Variants in RAET1E observed in about 807,000 individuals in gnomAD.
RAET1E encodes retinoic acid early transcript 1E.
A neutral mutation model predicts 21.1 loss-of-function variants in RAET1E; 27 were observed. That is an observed-to-expected ratio of 1.28 (90% CI 0.94 to 1.76). The LOEUF (loss-of-function observed/expected upper bound fraction) is 1.76. Ranked by LOEUF, RAET1E falls within the 40% of genes most tolerant of loss-of-function variation. RAET1E has a pLI of 0.00. For missense variants in RAET1E, 310 were observed against 311.3 expected, an observed-to-expected ratio of 1.00 and a Z score of 0.03; for synonymous variants, 113 against 115.0, an observed-to-expected ratio of 0.98 and a Z score of 0.11.
Position 149,889,604 on chromosome 6 carries a change from G to A in RAET1E, c.366C>T (p.Val122=), listed in dbSNP as rs747466889. ...IKTSDPSTLQ[V]EMFCQREAER... ...CTGCTTCACGTTGACAAAACATCTC[G>A]ACTTGCAGAGTGGAAGGATCTGCAA... is the stretch of plus-strand genomic sequence containing the variant. Residue 122 remains valine (V), a synonymous_variant, in exon 5 of 6, where the codon GTC becomes GTT. Transcript: ENST00000357183. 9.9e-6 allele frequency: 16 copies of A among 1,614,090 alleles called. 1 individual carries two copies. Among genetic ancestry groups the A allele is most frequent in the South Asian group, 9.9e-5 (9 of 91,076 alleles).
At chr6:149,895,453 C>T (rs1426342071) in intron 2 of RAET1E, 2 of 152,252 alleles carry the variant, frequency 1.3e-5, no homozygotes, top group Non-Finnish European at 2.9e-5. Context: ...GTGGGCTCCG[C>T]CCAGTTCCAA....
At chr6:149,889,691 G>T (rs1777790010) in intron 4 of RAET1E, 68 bp from the exon 5 acceptor site, 1 of 1,567,862 alleles carries the variant, frequency 6.4e-7, no homozygotes, top group Non-Finnish European at 8.7e-7. Context: ...AATAGGTCAA[G>T]TGTTTCTCTG....
Position 149,888,668 on chromosome 6 carries a change from C to CCA in RAET1E, c.623-2_623-1insTG, listed in dbSNP as rs1562463824. The CCA allele has an allele frequency of 2.5e-6, 3 of 1,213,314 alleles. No individual in the cohort carries two copies. The highest frequency in any genetic ancestry group is 4.6e-5 in the Admixed American group (1 of 21,602). The allele number at this position is 1,213,314 out of a possible 1,614,324, so 75.2% of individuals were successfully genotyped here. On this transcript the variant is annotated splice_acceptor_variant, in intron 5 of 5. Transcript: ENST00000357183. LOFTEE classifies it high-confidence loss of function. ...ATATCTGAAGCATTTACTGGTGACA[C>CCA]TAAAAAAAAAAAAAAAAAGAAAAAA...
chr6:149,895,096 G>A (rs1041540499), intron 2 of RAET1E, among the ~76,000 whole-genome samples: 1 of 152,232 alleles, frequency 6.6e-6, no homozygotes, highest in Non-Finnish European at 1.5e-5. Context: ...AGGCTGCAGA[G>A]CAGCTAAGAT....
Position 149,889,446 on chromosome 6 carries a change from C to T in RAET1E, c.524G>A (p.Arg175Lys). 6.2e-7 allele frequency: 1 copy of T among 1,614,242 alleles called. No homozygotes were observed. The highest frequency in any genetic ancestry group is 8.5e-7 in the Non-Finnish European group (1 of 1,180,040). Residue 175 changes from arginine (R) to lysine (K), a missense_variant, in exon 5 of 6, where the codon AGA becomes AAA. Arg to Lys is a conservative substitution (Grantham distance 26). Transcript: ENST00000357183. ...SKIKETWKKD[R>K]GLEKYFRKLS... Reference sequence around the variant, plus strand: ...CTTCCTGAAATACTTTTCCAGCCCTCTGTCTTTCTTCCATGTCTCCTTGAT... The same window carrying T: ...CTTCCTGAAATACTTTTCCAGCCCTTTGTCTTTCTTCCATGTCTCCTTGAT...
rs1189390574 is a variant in RAET1E at position 149,887,158 on chromosome 6, C to T, written c.*1340G>A. ...GATGAGGCTAGAGGCCAGGAACTCC[C>T]AGGTGTCTATGGAGGTCCCACCTCC... On this transcript the variant is annotated 3_prime_UTR_variant, in exon 6 of 6. Coordinates refer to ENST00000357183, the MANE Select transcript of RAET1E (RefSeq NM_001394057.1). Among the ~76,000 whole-genome samples, 1 of 152,198 alleles carries T rather than the reference C, an allele frequency of 6.6e-6. No homozygotes were observed. The highest frequency in any genetic ancestry group is 2.4e-5 in the African/African-American group (1 of 41,454).
chr6:149,891,054 G>T lies in RAET1E; in HGVS notation c.-133-20C>A. 1 of 548,644 alleles carries T rather than the reference G, an allele frequency of 1.8e-6. No homozygotes were observed. The highest frequency in any genetic ancestry group is 3.3e-6 in the Non-Finnish European group (1 of 302,632). 34.0% of individuals were successfully genotyped at this position (548,644 alleles called of 1,614,324 possible). A position where few individuals can be genotyped will look rare whatever the true frequency, so the allele number is the denominator to read the frequency against. On this transcript the variant is annotated intron_variant, in intron 2 of 5. Coordinates refer to ENST00000357183, the MANE Select transcript of RAET1E (RefSeq NM_001394057.1). ...TCAGGCCTGTAGAGACCCAATTAAAGAACAATTTTGTGAAGAGAGTGTTTT... is the reference window on the plus strand; with the variant it reads ...TCAGGCCTGTAGAGACCCAATTAAATAACAATTTTGTGAAGAGAGTGTTTT...
chr6:149,894,684 T>C (rs1037154732), intron 2 of RAET1E, among the ~76,000 whole-genome samples: 4 of 152,176 alleles, frequency 2.6e-5, no homozygotes, highest in African/African-American at 9.7e-5. Flanking sequence ...CTAACCTTTT[T>C]TCAAGGTTCT....
At chr6:149,889,759 C>T (rs908816977) in intron 4 of RAET1E, 126 bp downstream of exon 4, 16 of 1,476,366 alleles carry the variant, frequency 1.1e-5, no homozygotes, top group Non-Finnish European at 1.5e-5. Flanking sequence ...CCCATTGGGT[C>T]CCATGTGCCT....
intron 5 of RAET1E, chr6:149,889,035 A>G: frequency 7.7e-7 from 1 of 1,293,014 alleles, no homozygotes; most frequent in Non-Finnish European, 1.0e-6. Flanking sequence ...TGGAAGGGTA[A>G]TTATAATAGA....
rs954215022 is a variant in RAET1E, at chr6:149,883,211, A to C, written c.*5287T>G. 6.6e-6 allele frequency among the ~76,000 whole-genome samples: 1 copy of C among 152,232 alleles called. No homozygotes were observed. Among genetic ancestry groups the C allele is most frequent in the Non-Finnish European group, 1.5e-5 (1 of 68,040 alleles). On this transcript the variant is annotated 3_prime_UTR_variant, in exon 6 of 6. Coordinates refer to ENST00000357183, the MANE Select transcript of RAET1E (RefSeq NM_001394057.1). ...GCAAATAAGTTTATAATTTGTAAAGATCTGATAAAAATTATCAGATGATAA... is the reference window on the plus strand; with the variant it reads ...GCAAATAAGTTTATAATTTGTAAAGCTCTGATAAAAATTATCAGATGATAA...
In RAET1E at chr6:149,888,429, A is replaced by G. The variant is rs918213606; in HGVS notation, c.*69T>C. The stretch of plus-strand genomic sequence containing the variant: ...CTAAGGCAGTGCACCATTTCTGTGG[A>G]GAGAGATGGATCAGGGAGCGGGGGC... On this transcript the variant is annotated 3_prime_UTR_variant, in exon 6 of 6. Coordinates refer to ENST00000357183, the MANE Select transcript of RAET1E (RefSeq NM_001394057.1). 3.8e-6 allele frequency: 6 copies of G among 1,567,916 alleles called. No individual in the cohort carries two copies. Among genetic ancestry groups the G allele is most frequent in the Non-Finnish European group, 5.2e-6 (6 of 1,151,264 alleles).
At chr6:149,892,037 G>A (rs1361556916) in intron 2 of RAET1E, among the ~76,000 whole-genome samples, 1 of 152,120 alleles carries the variant, frequency 6.6e-6, no homozygotes, top group Non-Finnish European at 1.5e-5. Flanking sequence ...CTTTATCCAC[G>A]TCCCTGCAAA....
chr6:149,890,229 G>A (rs1777825159), intron 3 of RAET1E, 84 bp from the exon 4 acceptor site: 2 of 1,490,150 alleles, frequency 1.3e-6, no homozygotes, highest in African/African-American at 2.8e-5. Flanking sequence ...AGACTCCCTG[G>A]ACTGGGCCAG....
Position 149,888,369 on chromosome 6 carries a change from C to T in RAET1E, c.*129G>A. 8.9e-7 allele frequency: 1 copy of T among 1,118,066 alleles called. No homozygotes were observed. The highest frequency in any genetic ancestry group is 1.3e-6 in the Non-Finnish European group (1 of 767,676). 69.3% of individuals were successfully genotyped at this position (1,118,066 alleles called of 1,614,324 possible). On this transcript the variant is annotated 3_prime_UTR_variant, in exon 6 of 6. Transcript: ENST00000357183. ...ATCCCTCCTCTCACTGCACATTGTGCTGCCAGCCCTGCTGTGTAGTGTGGG... is the reference window on the plus strand; with the variant it reads ...ATCCCTCCTCTCACTGCACATTGTGTTGCCAGCCCTGCTGTGTAGTGTGGG...
chr6:149,894,238 T>C (rs564825900), intron 2 of RAET1E, among the ~76,000 whole-genome samples: 7 of 152,328 alleles, frequency 4.6e-5, no homozygotes, highest in Non-Finnish European at 1.0e-4. Flanking sequence ...TCTTTTTCTA[T>C]TGTTTGGAAT....
rs769980984 is a variant in RAET1E, at chr6:149,886,038, G to A, written c.*2460C>T. ...GGACTTGGATAGCTGTCTGGAATTCGGTCAGGTAAGAAAGAAAATTCCAGG... is the reference window on the plus strand; with the variant it reads ...GGACTTGGATAGCTGTCTGGAATTCAGTCAGGTAAGAAAGAAAATTCCAGG... On this transcript the variant is annotated 3_prime_UTR_variant, in exon 6 of 6. Transcript: ENST00000357183. Among the ~76,000 whole-genome samples the A allele has an allele frequency of 3.2e-4, 48 of 152,114 alleles. No homozygotes were observed. Among genetic ancestry groups the A allele is most frequent in the Non-Finnish European group, 1.2e-4 (8 of 68,026 alleles).
chr6:149,895,759 GA>G (rs1778091939), intron 2 of RAET1E, 86 bp downstream of exon 2: 1 of 152,220 alleles, frequency 6.6e-6, no homozygotes, highest in African/African-American at 2.4e-5. Context: ...TGTCCCATTT[GA>G]TCATCAGACC....
At position 149,888,451 on chromosome 6, in the gene RAET1E, G is replaced by T. The variant is rs772572925; in HGVS notation, c.*47C>A. Reference sequence around the variant, plus strand: ...TGGAGAGAGATGGATCAGGGAGCGGGGGCTTGGATGAGACCCATGATTCAC... The same window carrying T: ...TGGAGAGAGATGGATCAGGGAGCGGTGGCTTGGATGAGACCCATGATTCAC... On this transcript the variant is annotated 3_prime_UTR_variant, in exon 6 of 6. Coordinates refer to ENST00000357183, the MANE Select transcript of RAET1E (RefSeq NM_001394057.1). 1.3e-6 allele frequency: 2 copies of T among 1,595,602 alleles called. No homozygotes were observed. Among genetic ancestry groups the T allele is most frequent in the Non-Finnish European group, 8.5e-7 (1 of 1,169,702 alleles).
Sources: allele counts gnomAD v4.1 joint callset (sites outside exome capture counted in the v4.1 genomes callset), GRCh38; gene constraint gnomAD v4.1.1; transcripts MANE v1.5; gene names NCBI Gene and HGNC (gene_info 2026-07-23, HGNC 2026-07-21).